The following ATOH8 variants were observed in gnomAD, a reference collection of about 807,000 sequenced individuals.
The protein encoded by ATOH8 is atonal bHLH transcription factor 8, also known as transcription factor ATOH8.
In ATOH8, 9 loss-of-function variants were observed where a neutral mutation model predicts 21.2. That is an observed-to-expected ratio of 0.42 (90% CI 0.26 to 0.74). The LOEUF (loss-of-function observed/expected upper bound fraction) is 0.74, where lower values mean the gene tolerates loss of function less well. Among genes scored for constraint, ATOH8 ranks in the 30% least tolerant of loss-of-function variants. ATOH8 has a pLI of 0.24. For synonymous variants in ATOH8, 253 were observed against 224.0 expected (o/e 1.13, Z -1.16); for missense variants, 524 against 470.9 (o/e 1.11, Z -1.04).
At chr2:85,755,344 T>C (rs1419166282) in intron 1 of ATOH8, among the ~76,000 whole-genome samples, 1 of 152,072 alleles carries the variant, frequency 6.6e-6, no homozygotes, top group East Asian at 1.9e-4. Flanking sequence ...CCTTCTCCAG[T>C]TGGTGGTGGC....
intron 1 of ATOH8, among the ~76,000 whole-genome samples, chr2:85,758,616 C>G (rs1365308433): frequency 6.6e-6 from 1 of 152,236 alleles, no homozygotes; most frequent in Non-Finnish European, 1.5e-5. Flanking sequence ...AATCCACTGT[C>G]CTCTCAACCA....
rs886253487 is a variant in ATOH8 at position 85,766,365 on chromosome 2, A to G, written c.960+2183A>G. Among the ~76,000 whole-genome samples the G allele has an allele frequency of 7.2e-5, 11 of 151,894 alleles. No individual in the cohort carries two copies. Among genetic ancestry groups the G allele is most frequent in the Middle Eastern group, 3.4e-3 (1 of 294 alleles). On this transcript the variant is annotated intron_variant, in intron 2 of 2. Transcript: ENST00000306279. The surrounding 1 kb of genome is among the most constrained non-coding windows in gnomAD (Gnocchi z 4.0). Reference sequence around the variant, plus strand: ...CCACACCCAGCCCGGGCCTGAGGGCACTTCCTGCCTCCTGCCCTCAGTCTT... The same window carrying G: ...CCACACCCAGCCCGGGCCTGAGGGCGCTTCCTGCCTCCTGCCCTCAGTCTT...
chr2:85,777,162 G>T (rs1558616135), intron 2 of ATOH8, among the ~76,000 whole-genome samples: 1 of 152,140 alleles, frequency 6.6e-6, no homozygotes, highest in Admixed American at 6.5e-5. Context: ...TAAAACAGAG[G>T]CCCCACCCTT....
chr2:85,783,079 G>C (rs1015471953), intron 2 of ATOH8, among the ~76,000 whole-genome samples: 1 of 152,190 alleles, frequency 6.6e-6, no homozygotes, highest in Admixed American at 6.5e-5. Context: ...CCCTGCCCTC[G>C]TGGAGCTGGC....
At chr2:85,757,019 G>A (rs932692633) in intron 1 of ATOH8, among the ~76,000 whole-genome samples, 1 of 152,246 alleles carries the variant, frequency 6.6e-6, no homozygotes, top group Non-Finnish European at 1.5e-5. Context: ...CTCAGGGAGA[G>A]CGTGTGTATG....
Position 85,785,445 on chromosome 2 carries a change from T to C in ATOH8, c.961-1440T>C, listed in dbSNP as rs1680600601. ...CTCTCACTTTTCCTTTTCTCCCTCC[T>C]GAGCCACTATTAGCTGGAGAGCACT... On this transcript the variant is annotated intron_variant, in intron 2 of 2. Coordinates refer to ENST00000306279, the MANE Select transcript of ATOH8 (RefSeq NM_032827.7). This position sits in a 1 kb window ranked among gnomAD's most constrained non-coding sequence, Gnocchi z 4.1. Among the ~76,000 whole-genome samples the C allele has an allele frequency of 6.6e-6, 1 of 152,258 alleles. No individual in the cohort carries two copies. The highest frequency in any genetic ancestry group is 2.1e-4 in the South Asian group (1 of 4,838).
Position 85,789,390 on chromosome 2 carries a change from A to G in ATOH8, c.*2500A>G, listed in dbSNP as rs1680706755. On this transcript the variant is annotated 3_prime_UTR_variant, in exon 3 of 3. Coordinates refer to ENST00000306279, the MANE Select transcript of ATOH8 (RefSeq NM_032827.7). ...CAGACAGGTAGACAAGCAAATAATTATGATTATAGCAGATGACTAAGGTGT... is the reference window on the plus strand; with the variant it reads ...CAGACAGGTAGACAAGCAAATAATTGTGATTATAGCAGATGACTAAGGTGT... Among the ~76,000 whole-genome samples, 1 of 152,180 alleles carries G rather than the reference A, an allele frequency of 6.6e-6. No homozygotes were observed. Among genetic ancestry groups the G allele is most frequent in the African/African-American group, 2.4e-5 (1 of 41,444 alleles).
intron 1 of ATOH8, among the ~76,000 whole-genome samples, chr2:85,761,178 G>A (rs1210623033): frequency 6.6e-6 from 1 of 152,194 alleles, no homozygotes; most frequent in African/African-American, 2.4e-5. Flanking sequence ...CTCCGGTGTG[G>A]TGGTGGGAGC....
intron 2 of ATOH8, among the ~76,000 whole-genome samples, chr2:85,768,975 A>G (rs2104514470): frequency 6.6e-6 from 1 of 152,266 alleles, no homozygotes; most frequent in East Asian, 1.9e-4. Flanking sequence ...GAGATAATGC[A>G]CGTTAAGCAC....
In ATOH8 at chr2:85,754,396, G is replaced by T. The variant is rs1439921134; in HGVS notation, c.207G>T (p.Pro69=). 6.3e-7 allele frequency: 1 copy of T among 1,581,186 alleles called. No individual in the cohort carries two copies. The highest frequency in any genetic ancestry group is 1.8e-5 in the Admixed American group (1 of 56,480). Residue 69 remains proline, a synonymous_variant, in exon 1 of 3, where the codon CCG becomes CCT. Transcript: ENST00000306279. ...GGGACAGGACCCATCGGCTGCAGCC[G>T]GTCCCGGTACCGGTGCCGGTGCCAG... The part of the protein sequence containing the change: ...GLRDRTHRLQ[P]VPVPVPVPVP...
Position 85,789,228 on chromosome 2 carries a change from CAT to C in ATOH8, c.*2339_*2340del, listed in dbSNP as rs1253370231. ...CCCCTCCTGCATACATACTTCATTACATGTTTCCCTTTCATTCTGAAGCATCA... is the reference window on the plus strand; with the variant it reads ...CCCCTCCTGCATACATACTTCATTACGTTTCCCTTTCATTCTGAAGCATCA... On this transcript the variant is annotated 3_prime_UTR_variant, in exon 3 of 3. Transcript: ENST00000306279. Among the ~76,000 whole-genome samples, 1 of 152,186 alleles carries C rather than the reference CAT, an allele frequency of 6.6e-6. No homozygotes were observed. The highest frequency in any genetic ancestry group is 1.5e-5 in the Non-Finnish European group (1 of 68,034).
At position 85,766,595 on chromosome 2, in the gene ATOH8, G is replaced by T. The variant is rs1346739804; in HGVS notation, c.960+2413G>T. Among the ~76,000 whole-genome samples, 2 of 152,102 alleles carry T rather than the reference G, an allele frequency of 1.3e-5. No individual in the cohort carries two copies. The highest frequency in any genetic ancestry group is 2.9e-5 in the Non-Finnish European group (2 of 68,016). ...CATAATTCCAGCCCTTCCCATACCA[G>T]CCCCTTCCATAGTTTTATCTGGACG... On this transcript the variant is annotated intron_variant, in intron 2 of 2. Coordinates refer to ENST00000306279, the MANE Select transcript of ATOH8 (RefSeq NM_032827.7). This position sits in a 1 kb window ranked among gnomAD's most constrained non-coding sequence, Gnocchi z 4.0.
intron 1 of ATOH8, among the ~76,000 whole-genome samples, chr2:85,756,913 C>T (rs1024039643): frequency 6.6e-6 from 1 of 152,212 alleles, no homozygotes; most frequent in Non-Finnish European, 1.5e-5. Flanking sequence ...TGAGATTGTT[C>T]ATCCTGGTCT....
At chr2:85,775,094 A>G in intron 2 of ATOH8, 1 of 944,940 alleles carries the variant, frequency 1.1e-6, no homozygotes. Flanking sequence ...TCATGTCATT[A>G]CATTGTATTA....
chr2:85,770,222 G>C (rs1356172398), intron 2 of ATOH8, among the ~76,000 whole-genome samples: 1 of 152,176 alleles, frequency 6.6e-6, no homozygotes, highest in East Asian at 1.9e-4. Context: ...CACAGATGGT[G>C]AGTCCGGGGC....
chr2:85,762,162 C>T (rs931170909), intron 1 of ATOH8, among the ~76,000 whole-genome samples: 4 of 152,216 alleles, frequency 2.6e-5, no homozygotes, highest in African/African-American at 7.2e-5. Flanking sequence ...CACATCATCT[C>T]ATTTAATCCT....
chr2:85,784,706 G>C (rs1364794551), intron 2 of ATOH8, among the ~76,000 whole-genome samples: 1 of 152,216 alleles, frequency 6.6e-6, no homozygotes, highest in Non-Finnish European at 1.5e-5. Flanking sequence ...CCTAGCTGGT[G>C]TTCACAGAAC....
intron 1 of ATOH8, among the ~76,000 whole-genome samples, chr2:85,759,804 G>A (rs924564749): frequency 6.6e-6 from 1 of 152,100 alleles, no homozygotes; most frequent in Non-Finnish European, 1.5e-5. Flanking sequence ...GGGCTTCCAG[G>A]AGGGCGTCTT....
At chr2:85,781,065 G>T in intron 2 of ATOH8, 2 of 988,100 alleles carry the variant, frequency 2.0e-6, no homozygotes, top group Non-Finnish European at 2.4e-6. Context: ...AAGCAGATCT[G>T]TCAAACGCAA....
Sources: allele counts gnomAD v4.1 joint callset (sites outside exome capture counted in the v4.1 genomes callset), GRCh38; gene constraint gnomAD v4.1.1; non-coding constraint Gnocchi (gnomAD v3.1); transcripts MANE v1.5; gene names NCBI Gene and HGNC (gene_info 2026-07-23, HGNC 2026-07-21).